Variants in IMMP2L observed in about 807,000 individuals in gnomAD.
IMMP2L encodes mitochondrial inner membrane protease subunit 2.
Under a neutral mutation model 19.3 loss-of-function variants are expected in IMMP2L, and 18 were observed. The ratio of observed to expected loss-of-function variants is 0.93; its 90% CI spans 0.64 to 1.38. The LOEUF is 1.38. Ranked by LOEUF, IMMP2L falls within the 40% of genes most tolerant of loss-of-function variation. The pLI is 0.00. For missense variants in IMMP2L, 233 were observed against 218.2 expected (o/e 1.07, Z -0.43); for synonymous variants, 76 against 73.0 (o/e 1.04, Z -0.21).
chr7:111,238,129 T>G (rs2065282435), intron 3 of IMMP2L, among the ~76,000 whole-genome samples: 2 of 152,072 alleles, frequency 1.3e-5, no homozygotes, highest in African/African-American at 4.8e-5. Context: ...CTGTAATTTC[T>G]GAGGCTGCCA....
chr7:111,243,103 T>C lies in IMMP2L; in HGVS notation c.239+244135A>G, dbSNP rs575568037. Among the ~76,000 whole-genome samples, 360 of 152,280 alleles carry C rather than the reference T, an allele frequency of 2.4e-3. 3 individuals are homozygous for C. The highest frequency in any genetic ancestry group is 8.1e-3 in the African/African-American group (338 of 41,572). On this transcript the variant is annotated intron_variant, in intron 3 of 5. Transcript: ENST00000405709. ...TAAAACAAAATTCTTATTATTTTTA[T>C]GCCAACTAAAGAGTAGTTGTTTTGA...
intron 3 of IMMP2L, among the ~76,000 whole-genome samples, chr7:111,343,077 C>T (rs1827183637): frequency 6.6e-6 from 1 of 152,084 alleles, no homozygotes; most frequent in South Asian, 2.1e-4. Flanking sequence ...CTTGCAACTA[C>T]CTATTATGCA....
intron 3 of IMMP2L, among the ~76,000 whole-genome samples, chr7:111,055,879 G>A (rs899260952): frequency 3.9e-5 from 6 of 152,092 alleles, no homozygotes; most frequent in African/African-American, 7.2e-5. Flanking sequence ...TAGCTAATAC[G>A]CACCATGCCA....
intron 4 of IMMP2L, among the ~76,000 whole-genome samples, chr7:110,901,026 G>A (rs1190349162): frequency 1.3e-5 from 2 of 151,774 alleles, no homozygotes. Context: ...TGCTTGGAAT[G>A]CTCTTTCTTC....
At chr7:110,780,255 A>G (rs1156241453) in intron 5 of IMMP2L, among the ~76,000 whole-genome samples, 1 of 151,206 alleles carries the variant, frequency 6.6e-6, no homozygotes, top group Non-Finnish European at 1.5e-5. Flanking sequence ...TTCAATTCCT[A>G]TAATTGAATT....
chr7:111,287,951 C>T (rs1251391870), intron 3 of IMMP2L, among the ~76,000 whole-genome samples: 1 of 152,164 alleles, frequency 6.6e-6, no homozygotes, highest in African/African-American at 2.4e-5. Flanking sequence ...AAATTCCAAT[C>T]AAAGAGAATC....
chr7:110,773,168 T>C (rs1799150825), intron 5 of IMMP2L, among the ~76,000 whole-genome samples: 1 of 152,084 alleles, frequency 6.6e-6, no homozygotes, highest in African/African-American at 2.4e-5. Context: ...TATTATTAGT[T>C]TAGTCACTGT....
intron 3 of IMMP2L, among the ~76,000 whole-genome samples, chr7:111,238,815 T>C (rs1298169834): frequency 1.3e-5 from 2 of 152,070 alleles, no homozygotes; most frequent in South Asian, 2.1e-4. Context: ...CTTGAGTAGC[T>C]TGAGTTCAAT....
chr7:111,491,105 G>C lies in IMMP2L; in HGVS notation c.136-3764C>G, dbSNP rs140545979. Reference sequence around the variant, plus strand: ...CAGTGAGGATGAAGTCCTTTACGATGATCCTCTTCCACTTAAGAAACAAAA... The same window carrying C: ...CAGTGAGGATGAAGTCCTTTACGATCATCCTCTTCCACTTAAGAAACAAAA... On this transcript the variant is annotated intron_variant, in intron 2 of 5. Coordinates refer to ENST00000405709, the MANE Select transcript of IMMP2L (RefSeq NM_032549.4). Among the ~76,000 whole-genome samples, 249 of 152,054 alleles carry C rather than the reference G, an allele frequency of 1.6e-3. 2 individuals are homozygous for C. Among genetic ancestry groups the C allele is most frequent in the African/African-American group, 5.8e-3 (241 of 41,478 alleles).
At chr7:111,386,040 C>T (rs977914323) in intron 3 of IMMP2L, among the ~76,000 whole-genome samples, 1 of 151,782 alleles carries the variant, frequency 6.6e-6, no homozygotes, top group South Asian at 2.1e-4. Flanking sequence ...GCCACCACTC[C>T]CAGCTAATTT....
At chr7:111,355,892 A>G (rs896041667) in intron 3 of IMMP2L, among the ~76,000 whole-genome samples, 2 of 152,044 alleles carry the variant, frequency 1.3e-5, no homozygotes, top group Non-Finnish European at 2.9e-5. Flanking sequence ...CATGTATCTG[A>G]AAATACAAAG....
At chr7:111,528,093 CTA>C (rs1847052197) in intron 1 of IMMP2L, among the ~76,000 whole-genome samples, 1 of 152,140 alleles carries the variant, frequency 6.6e-6, no homozygotes. Context: ...CACAACATTT[CTA>C]TGTTGTCATA....
intron 5 of IMMP2L, among the ~76,000 whole-genome samples, chr7:110,784,671 T>G (rs2131103253): frequency 6.6e-6 from 1 of 152,050 alleles, no homozygotes; most frequent in Non-Finnish European, 1.5e-5. Flanking sequence ...GGTCTCCAAT[T>G]CATGCAGTGG....
intron 4 of IMMP2L, among the ~76,000 whole-genome samples, chr7:110,944,163 G>C (rs184578799): frequency 1.3e-5 from 2 of 151,992 alleles, no homozygotes; most frequent in East Asian, 3.9e-4. Context: ...GGATTGTTCT[G>C]GGCTCCAAAA....
At position 111,394,135 on chromosome 7, in the gene IMMP2L, T is replaced by C. The variant is rs75571324; in HGVS notation, c.239+93103A>G. Among the ~76,000 whole-genome samples the C allele has an allele frequency of 9.9e-3, 1,512 of 152,292 alleles. 39 individuals are homozygous for C. The highest frequency in any genetic ancestry group is 0.035 in the African/African-American group (1,444 of 41,560). ...ATATATCTTACAGTCGATAATATCATAGTTTAACTGACAATATTTTTGATA... is the reference window on the plus strand; with the variant it reads ...ATATATCTTACAGTCGATAATATCACAGTTTAACTGACAATATTTTTGATA... On this transcript the variant is annotated intron_variant, in intron 3 of 5. Coordinates refer to ENST00000405709, the MANE Select transcript of IMMP2L (RefSeq NM_032549.4).
intron 5 of IMMP2L, among the ~76,000 whole-genome samples, chr7:110,830,548 T>G (rs1803879489): frequency 6.6e-6 from 1 of 152,140 alleles, no homozygotes. Flanking sequence ...GGACACAGTT[T>G]ATAATAAAGA....
chr7:110,731,344 T>G (rs961292811), intron 5 of IMMP2L, among the ~76,000 whole-genome samples: 1 of 152,188 alleles, frequency 6.6e-6, no homozygotes, highest in Non-Finnish European at 1.5e-5. Flanking sequence ...GCTTGATCTA[T>G]AGAAGGTGCT....
In IMMP2L at chr7:111,523,393, C is replaced by CA. The variant is rs200694915; in HGVS notation, c.-2-1945dup. On this transcript the variant is annotated intron_variant, in intron 1 of 5. Coordinates refer to ENST00000405709, the MANE Select transcript of IMMP2L (RefSeq NM_032549.4). ...ACATTATGTTGTATACAATAAAACT[C>CA]ACAATGTTATCTGTTCACTCATAAA... Among the ~76,000 whole-genome samples the CA allele has an allele frequency of 6.4e-3, 968 of 152,054 alleles. 12 individuals are homozygous for CA. Among genetic ancestry groups the CA allele is most frequent in the African/African-American group, 0.021 (851 of 41,484 alleles).
At chr7:110,731,917 A>C (rs1796299347) in intron 5 of IMMP2L, among the ~76,000 whole-genome samples, 3 of 152,244 alleles carry the variant, frequency 2.0e-5, no homozygotes, top group Admixed American at 2.0e-4. Context: ...CTCTTTGTAG[A>C]GTTCTTAGAC....
Sources: gnomAD v4.1 joint callset for allele counts (sites outside exome capture counted in the v4.1 genomes callset) on GRCh38, gnomAD v4.1.1 for gene constraint, MANE v1.5 for transcripts, NCBI Gene and HGNC (gene_info 2026-07-23, HGNC 2026-07-21) for gene names.